AEBP2: variants seen among roughly 807,000 people sequenced by gnomAD.
AEBP2 encodes AE binding protein 2, also known as zinc finger protein AEBP2.
In AEBP2, 10 loss-of-function variants were observed where a neutral mutation model predicts 50.8. The observed-to-expected ratio is 0.20, with a 90% CI of 0.12 to 0.33. AEBP2 has a LOEUF of 0.33. Ranked by LOEUF, AEBP2 falls within the 10% of genes least tolerant of loss-of-function variation. AEBP2 has a pLI of 1.00. For synonymous variants in AEBP2, 296 were observed against 261.3 expected, an observed-to-expected ratio of 1.13 and a Z score of -1.28; for missense variants, 570 against 688.0, an observed-to-expected ratio of 0.83 and a Z score of 1.92.
chr12:19,492,278 AT>A (rs1460910038), intron 3 of AEBP2, among the ~76,000 whole-genome samples: 5 of 152,064 alleles, frequency 3.3e-5, no homozygotes, highest in East Asian at 3.9e-4. Flanking sequence ...AGACCTGCAA[AT>A]TTTTTTCCCC....
At chr12:19,441,388 TA>T (rs1718798142) in intron 1 of AEBP2, among the ~76,000 whole-genome samples, 3 of 152,248 alleles carry the variant, frequency 2.0e-5, no homozygotes, top group Non-Finnish European at 4.4e-5. Flanking sequence ...ATCACATGCA[TA>T]TTATGCCACT....
At chr12:19,430,169 G>C (rs1957510409) in intron 1 of AEBP2, among the ~76,000 whole-genome samples, 1 of 152,104 alleles carries the variant, frequency 6.6e-6, no homozygotes, top group Non-Finnish European at 1.5e-5. Context: ...TGTAAGGAAG[G>C]GATCCAGTTT....
At chr12:19,458,099 T>C (rs1404637867) in intron 1 of AEBP2, among the ~76,000 whole-genome samples, 3 of 152,222 alleles carry the variant, frequency 2.0e-5, no homozygotes, top group Non-Finnish European at 4.4e-5. Context: ...GATTGTCTCT[T>C]GTTACATAAC....
At position 19,428,954 on chromosome 12, in the gene AEBP2, C is replaced by T. The variant is rs1026016762; in HGVS notation, c.-17+24738C>T. On this transcript the variant is annotated intron_variant, in intron 1 of 3. Coordinates refer to the AEBP2 transcript ENST00000538425. Reference sequence around the variant, plus strand: ...AGGAGTTCGAGCCCAGCCTGGGCAACGTGACAAAACCCCATCTCTACAATT... The same window carrying T: ...AGGAGTTCGAGCCCAGCCTGGGCAATGTGACAAAACCCCATCTCTACAATT... Among the ~76,000 whole-genome samples the T allele has an allele frequency of 3.9e-5, 6 of 152,114 alleles. No individual in the cohort carries two copies. In the South Asian group the frequency reaches 6.2e-4, roughly 16 times the overall value.
chr12:19,455,961 T>A (rs1236483928), intron 1 of AEBP2, among the ~76,000 whole-genome samples: 5 of 151,836 alleles, frequency 3.3e-5, no homozygotes, highest in Admixed American at 3.3e-4. Flanking sequence ...TTTTTCCTCA[T>A]TAAACTTTTT....
chr12:19,456,564 T>C, intron 1 of AEBP2: 2 of 1,539,172 alleles, frequency 1.3e-6, no homozygotes, highest in South Asian at 2.2e-5. Flanking sequence ...TACAGGGGCA[T>C]AGCCAGCACT....
At chr12:19,420,231 G>A (rs1015421817) in intron 1 of AEBP2, among the ~76,000 whole-genome samples, 25 of 150,240 alleles carry the variant, frequency 1.7e-4, no homozygotes, top group Admixed American at 4.0e-4. Flanking sequence ...GTTTCACCAC[G>A]TTGGCCAGGC....
intron 1 of AEBP2, among the ~76,000 whole-genome samples, chr12:19,454,000 T>A (rs1948215266): frequency 6.6e-6 from 1 of 152,090 alleles, no homozygotes; most frequent in South Asian, 2.1e-4. Context: ...GCTGCTTGGT[T>A]CTGCAAATCT....
intron 1 of AEBP2, among the ~76,000 whole-genome samples, chr12:19,415,764 T>C (rs2095742242): frequency 1.3e-5 from 2 of 152,240 alleles, no homozygotes; most frequent in East Asian, 3.9e-4. Flanking sequence ...TAGGAATCCC[T>C]AGAGGCCTGT....
chr12:19,434,812 C>G (rs145676497), upstream of AEBP2, among the ~76,000 whole-genome samples: 1 of 152,296 alleles, frequency 6.6e-6, no homozygotes, highest in Non-Finnish European at 1.5e-5. Context: ...ATGTCTGCAA[C>G]TAAACCAAGA....
chr12:19,497,190 GATGC>G (rs1323958639), intron 4 of AEBP2, among the ~76,000 whole-genome samples: 5 of 151,358 alleles, frequency 3.3e-5, no homozygotes, highest in African/African-American at 1.2e-4. Context: ...AAATTCTTAA[GATGC>G]ATCTCCTAAG....
At chr12:19,472,367 T>C (rs1270437135) in intron 2 of AEBP2, among the ~76,000 whole-genome samples, 2 of 152,172 alleles carry the variant, frequency 1.3e-5, no homozygotes, top group Non-Finnish European at 2.9e-5. Flanking sequence ...TTACCTGATG[T>C]TGGGAAGCAG....
chr12:19,471,598 CTT>C (rs1948574582), intron 2 of AEBP2, among the ~76,000 whole-genome samples: 4 of 152,054 alleles, frequency 2.6e-5, no homozygotes, highest in Admixed American at 1.3e-4. Flanking sequence ...ATCTCTTGGA[CTT>C]AAGCAATCAT....
At chr12:19,434,425 G>T (rs1592711241) in intron 1 of AEBP2, among the ~76,000 whole-genome samples, 2 of 151,206 alleles carry the variant, frequency 1.3e-5, no homozygotes, top group East Asian at 3.9e-4. Context: ...CACTCGCCTT[G>T]GCCTCCCAAA....
At chr12:19,444,979 C>G (rs1044786522) in intron 1 of AEBP2, among the ~76,000 whole-genome samples, 2 of 152,012 alleles carry the variant, frequency 1.3e-5, no homozygotes, top group African/African-American at 4.8e-5. Context: ...ACTGCAGCCT[C>G]TGCCTCCTGA....
chr12:19,480,988 T>A (rs895398787), intron 3 of AEBP2, among the ~76,000 whole-genome samples: 6 of 152,110 alleles, frequency 3.9e-5, no homozygotes, highest in African/African-American at 1.2e-4. Flanking sequence ...AATTTTTTTT[T>A]AAGTGTCTTT....
chr12:19,423,163 C>A (rs1000825669), intron 1 of AEBP2, among the ~76,000 whole-genome samples: 5 of 149,032 alleles, frequency 3.4e-5, no homozygotes, highest in African/African-American at 1.2e-4. Context: ...CAGCTATATG[C>A]CCAGTGCTAA....
chr12:19,439,841 G>A lies in AEBP2; in HGVS notation c.142G>A (p.Glu48Lys). 6.7e-7 allele frequency: 1 copy of A among 1,497,604 alleles called. No homozygotes were observed. The allele number at this position is 1,497,604 out of a possible 1,614,324, so 92.8% of individuals were successfully genotyped here. The change falls in exon 1 of 8, where the codon GAG becomes AAG. Residue 48 changes from glutamate (E) to lysine (K), a missense_variant. Coordinates refer to ENST00000266508, the MANE Select transcript of AEBP2 (RefSeq NM_153207.5). ...GGAGGAAGAGGAGGAGGAGGAAGAG[G>A]AGGCGGAGGCCGAGGCGGTGGCGGC... is the stretch of plus-strand genomic sequence containing the variant. ...EEEEEEEEEE[E>K]AEAEAVAALL...
In AEBP2 at chr12:19,469,557, C is replaced by G. The variant is rs184677146; in HGVS notation, c.880-3691C>G. Among the ~76,000 whole-genome samples, 10 of 152,292 alleles carry G rather than the reference C, an allele frequency of 6.6e-5. No individual in the cohort carries two copies. The East Asian group carries it at 1.9e-3, about 29-fold the overall frequency. ...ATAGCCTCAAACTCCTGGACTCAAGCAATCCTTCTACCTCTAGTGTAGTAG... is the reference window on the plus strand; with the variant it reads ...ATAGCCTCAAACTCCTGGACTCAAGGAATCCTTCTACCTCTAGTGTAGTAG... On this transcript the variant is annotated intron_variant, in intron 2 of 7. Coordinates refer to ENST00000266508, the MANE Select transcript of AEBP2 (RefSeq NM_153207.5).
Sources: gnomAD v4.1 joint callset for allele counts (sites outside exome capture counted in the v4.1 genomes callset) on GRCh38, gnomAD v4.1.1 for gene constraint, MANE v1.5 for transcripts, NCBI Gene and HGNC (gene_info 2026-07-23, HGNC 2026-07-21) for gene names.